The following GLIS3 variants were observed in gnomAD, a reference collection of about 807,000 sequenced individuals.
GLIS3 encodes the protein GLIS family zinc finger 3, also known as zinc finger protein GLIS3.
A neutral mutation model predicts 78.6 loss-of-function variants in GLIS3; 53 were observed. That is an observed-to-expected ratio of 0.67 (90% CI 0.54 to 0.85). The LOEUF (loss-of-function observed/expected upper bound fraction) is 0.85. GLIS3 is among the 40% of genes least tolerant of loss of function. The pLI is 0.00. For missense variants in GLIS3, 1,703 were observed against 1,231.1 expected (o/e 1.38, Z -5.74); for synonymous variants, 684 against 509.9 (o/e 1.34, Z -4.60).
intron 2 of GLIS3, among the ~76,000 whole-genome samples, chr9:4,153,984 T>A (rs181492701): frequency 6.6e-6 from 1 of 152,274 alleles, no homozygotes; most frequent in Admixed American, 6.5e-5. Flanking sequence ...TGGATGGACA[T>A]CTAAGTGGCA....
the GLIS3 span, among the ~76,000 whole-genome samples, chr9:4,436,613 TAGC>T: frequency 6.6e-6 from 1 of 152,168 alleles, no homozygotes; most frequent in East Asian, 1.9e-4. Flanking sequence ...AAGACCAGCC[TAGC>T]CAACATGATG....
the GLIS3 span, among the ~76,000 whole-genome samples, chr9:4,370,406 G>A: frequency 9.2e-5 from 14 of 151,876 alleles, no homozygotes; most frequent in African/African-American, 2.7e-4. Context: ...CCAGTGTTGC[G>A]TGTTTCTTGG....
At chr9:3,966,576 A>C (rs1343527693) in intron 4 of GLIS3, among the ~76,000 whole-genome samples, 5 of 151,966 alleles carry the variant, frequency 3.3e-5, no homozygotes, top group African/African-American at 1.2e-4. Flanking sequence ...CAGGCCAATC[A>C]CCTGAGGTCA....
At chr9:4,288,789 C>G (rs981917411) in intron 1 of GLIS3, among the ~76,000 whole-genome samples, 3 of 151,804 alleles carry the variant, frequency 2.0e-5, no homozygotes, top group African/African-American at 4.8e-5. Context: ...AAAGCAACAG[C>G]CAGAAAGTAA....
At chr9:4,313,883 C>G (rs766900486) in intron 2 of GLIS3, among the ~76,000 whole-genome samples, 3 of 152,202 alleles carry the variant, frequency 2.0e-5, no homozygotes, top group East Asian at 1.9e-4. Flanking sequence ...ATCTGATTTA[C>G]AAGGTCTTAC....
At chr9:4,369,629 C>G in the GLIS3 span, among the ~76,000 whole-genome samples, 1 of 152,268 alleles carries the variant, frequency 6.6e-6, no homozygotes, top group African/African-American at 2.4e-5. Flanking sequence ...GCAGTTATCC[C>G]TCTTAGCCCT....
chr9:4,382,042 T>C, the GLIS3 span, among the ~76,000 whole-genome samples: 1 of 152,206 alleles, frequency 6.6e-6, no homozygotes, highest in South Asian at 2.1e-4. Flanking sequence ...CTAAGGCTGG[T>C]AGCCGCTCTC....
intron 9 of GLIS3, among the ~76,000 whole-genome samples, chr9:3,834,200 T>A (rs759223765): frequency 6.6e-6 from 1 of 152,150 alleles, no homozygotes; most frequent in Non-Finnish European, 1.5e-5. Flanking sequence ...GGTTAAAGAG[T>A]TCACGGTCCC....
At chr9:3,838,618 T>G (rs993513624) in intron 9 of GLIS3, among the ~76,000 whole-genome samples, 1 of 152,180 alleles carries the variant, frequency 6.6e-6, no homozygotes, top group Non-Finnish European at 1.5e-5. Context: ...TTGGGTCAGT[T>G]AGGTGCTTCC....
chr9:4,479,588 G>A, the GLIS3 span, among the ~76,000 whole-genome samples: 1 of 150,814 alleles, frequency 6.6e-6, no homozygotes, highest in East Asian at 1.9e-4. Context: ...ACCATACTGT[G>A]GCTCTCAAGT....
the GLIS3 span, among the ~76,000 whole-genome samples, chr9:4,415,852 ACAGT>A: frequency 6.6e-6 from 1 of 152,016 alleles, no homozygotes; most frequent in Admixed American, 6.6e-5. Context: ...TACTAATGGA[ACAGT>A]CAAACAGTTC....
the GLIS3 span, among the ~76,000 whole-genome samples, chr9:4,398,461 C>T: frequency 1.4e-4 from 21 of 152,054 alleles, no homozygotes; most frequent in African/African-American, 4.8e-4. Context: ...CCTTACAACC[C>T]ATGCTGGAGT....
intron 4 of GLIS3, among the ~76,000 whole-genome samples, chr9:4,055,660 AT>A (rs1262822004): frequency 2.6e-5 from 4 of 152,208 alleles, no homozygotes; most frequent in Admixed American, 6.5e-5. Context: ...GAAACGAGGA[AT>A]GATGGTGTTA....
chr9:4,126,934 A>T (rs1437174245), intron 2 of GLIS3, among the ~76,000 whole-genome samples: 4 of 152,210 alleles, frequency 2.6e-5, no homozygotes, highest in African/African-American at 9.6e-5. Context: ...GGATCGAAGT[A>T]GGAAGAAAAG....
At chr9:3,905,515 C>T (rs1253930999) in intron 6 of GLIS3, among the ~76,000 whole-genome samples, 1 of 152,178 alleles carries the variant, frequency 6.6e-6, no homozygotes, top group Non-Finnish European at 1.5e-5. Flanking sequence ...CCCTCCCCTG[C>T]AGGTTTGTCA....
At chr9:4,191,747 G>A (rs538705993) in intron 2 of GLIS3, among the ~76,000 whole-genome samples, 2 of 152,268 alleles carry the variant, frequency 1.3e-5, no homozygotes, top group Admixed American at 6.5e-5. Flanking sequence ...AAAATGAATT[G>A]AGGAACGTGG....
chr9:4,442,710 AT>A, the GLIS3 span, among the ~76,000 whole-genome samples: 1 of 152,080 alleles, frequency 6.6e-6, no homozygotes. Context: ...AATTAATCTT[AT>A]TTGTTATTAA....
At chr9:4,265,491 C>T (rs967294319) in intron 2 of GLIS3, among the ~76,000 whole-genome samples, 3 of 152,038 alleles carry the variant, frequency 2.0e-5, no homozygotes, top group Admixed American at 2.0e-4. Flanking sequence ...TACCCTTAGC[C>T]ACTATGCTGT....
Position 3,977,180 on chromosome 9 carries a change from A to G in GLIS3, c.1711-39991T>C, listed in dbSNP as rs1818873982. Among the ~76,000 whole-genome samples, 1 of 152,178 alleles carries G rather than the reference A, an allele frequency of 6.6e-6. No individual in the cohort carries two copies. Among genetic ancestry groups the G allele is most frequent in the African/African-American group, 2.4e-5 (1 of 41,446 alleles). ...CGATACCGAATGCTTACAACTCCCA[A>G]GCCGGGAGAAATATTGTCAGTTCAG... On this transcript the variant is annotated intron_variant, in intron 4 of 10. Coordinates refer to ENST00000381971, the MANE Select transcript of GLIS3 (RefSeq NM_001042413.2). This position sits in a 1 kb window ranked among gnomAD's most constrained non-coding sequence, Gnocchi z 4.1.
Sources: gnomAD v4.1 joint callset for allele counts (sites outside exome capture counted in the v4.1 genomes callset) on GRCh38, gnomAD v4.1.1 for gene constraint, Gnocchi (gnomAD v3.1) non-coding constraint, MANE v1.5 for transcripts, NCBI Gene and HGNC (gene_info 2026-07-23, HGNC 2026-07-21) for gene names.